The following NPL variants were observed in gnomAD, a reference collection of about 807,000 sequenced individuals.
NPL encodes N-acetylneuraminate lyase.
NPL carries 32 observed loss-of-function variants against 41.1 expected under a neutral mutation model. The ratio of observed to expected loss-of-function variants is 0.78; its 90% CI spans 0.59 to 1.05. The LOEUF (loss-of-function observed/expected upper bound fraction) is 1.05, where lower values mean the gene tolerates loss of function less well. NPL is among the 50% of genes least tolerant of loss of function. The probability of loss-of-function intolerance (pLI) is 0.00; values close to 1 mark genes in which losing one functional copy is unlikely to be tolerated. For synonymous variants in NPL, 128 were observed against 134.9 expected, an observed-to-expected ratio of 0.95 and a Z score of 0.35; for missense variants, 321 against 378.4, an observed-to-expected ratio of 0.85 and a Z score of 1.26.
intron 6 of NPL, among the ~76,000 whole-genome samples, chr1:182,812,434 C>T (rs992089350): frequency 6.6e-6 from 1 of 152,132 alleles, no homozygotes. Context: ...GAAGCACCTT[C>T]CTCCAAGGAG....
intron 9 of NPL, 33 bp downstream of exon 9, chr1:182,818,722 A>G (rs532201292): frequency 1.3e-4 from 206 of 1,614,058 alleles, no homozygotes; most frequent in Non-Finnish European, 1.6e-4. Flanking sequence ...GCAGCAGGTC[A>G]GTTCCCTCCA....
Position 182,802,425 on chromosome 1 carries a change from G to A in NPL, c.69-1273G>A, listed in dbSNP as rs116666840. ...TCCTCATTTTGTTCTTATGCCTTTT[G>A]ACATGTACATTTTGATGCCTTTGTT... On this transcript the variant is annotated intron_variant, in intron 3 of 12. Transcript: ENST00000367553. Among the ~76,000 whole-genome samples the A allele has an allele frequency of 5.9e-3, 901 of 151,902 alleles. 9 individuals are homozygous for A. The highest frequency in any genetic ancestry group is 0.02 in the African/African-American group (836 of 41,446).
intron 8 of NPL, among the ~76,000 whole-genome samples, chr1:182,817,900 G>A (rs537751563): frequency 6.6e-6 from 1 of 152,268 alleles, no homozygotes; most frequent in African/African-American, 2.4e-5. Flanking sequence ...TTTCTATGGA[G>A]ACTTCATTAT....
intron 11 of NPL, among the ~76,000 whole-genome samples, chr1:182,822,479 A>T (rs1179641478): frequency 6.6e-6 from 1 of 152,184 alleles, no homozygotes; most frequent in Non-Finnish European, 1.5e-5. Flanking sequence ...TACTTTTGTG[A>T]CTATAATAAA....
intron 5 of NPL, among the ~76,000 whole-genome samples, chr1:182,808,115 A>C (rs935663626): frequency 1.3e-5 from 2 of 152,022 alleles, no homozygotes; most frequent in Non-Finnish European, 2.9e-5. Flanking sequence ...CAGGCACATC[A>C]CCTAACTTCT....
At chr1:182,801,399 C>T (rs1054148208) in intron 3 of NPL, among the ~76,000 whole-genome samples, 16 of 152,204 alleles carry the variant, frequency 1.1e-4, no homozygotes, top group African/African-American at 3.1e-4. Flanking sequence ...GAGGGTAGGT[C>T]GAAGCACTAT....
intron 3 of NPL, among the ~76,000 whole-genome samples, 176 bp from the exon 4 acceptor site, chr1:182,803,522 C>T (rs908562208): frequency 6.7e-6 from 1 of 149,470 alleles, no homozygotes; most frequent in African/African-American, 2.6e-5. Flanking sequence ...GAAGAAATCA[C>T]CAGATTCAGG....
At chr1:182,816,992 C>A (rs73065392) in intron 8 of NPL, among the ~76,000 whole-genome samples, 186 bp downstream of exon 8, 2 of 152,098 alleles carry the variant, frequency 1.3e-5, no homozygotes, top group Non-Finnish European at 2.9e-5. Flanking sequence ...TTCACACTGC[C>A]GTATAATGGA....
Position 182,829,207 on chromosome 1 carries a change from T to G in NPL, c.*299T>G. On this transcript the variant is annotated 3_prime_UTR_variant, in exon 13 of 13. Coordinates refer to ENST00000367553, the MANE Select transcript of NPL (RefSeq NM_030769.3). ...TGTAATTGATTAATTCCATCTGTCT[T>G]TAGGAGCTCTCATTATCTCGGTCTC... The G allele has an allele frequency of 8.0e-7, 1 of 1,248,080 alleles. No individual in the cohort carries two copies. Among genetic ancestry groups the G allele is most frequent in the South Asian group, 2.0e-5 (1 of 49,672 alleles). The allele number at this position is 1,248,080 out of a possible 1,614,324, so 77.3% of individuals were successfully genotyped here. A position where few individuals can be genotyped will look rare whatever the true frequency, so the allele number is the denominator to read the frequency against.
At chr1:182,806,578 C>T (rs1030374636) in intron 5 of NPL, 3 of 1,528,724 alleles carry the variant, frequency 2.0e-6, no homozygotes, top group Non-Finnish European at 2.6e-6. Flanking sequence ...CTTGGCTCTT[C>T]CACTGAGCAA....
At chr1:182,804,941 A>G (rs573646253) in intron 4 of NPL, among the ~76,000 whole-genome samples, 3 of 152,328 alleles carry the variant, frequency 2.0e-5, no homozygotes, top group South Asian at 4.1e-4. Context: ...GAATATCCCT[A>G]TGACCAGAGT....
rs1159663286 is a variant in NPL at position 182,829,667 on chromosome 1, C to T, written c.*759C>T. 3 of 1,540,202 alleles carry T rather than the reference C, an allele frequency of 1.9e-6. No individual in the cohort carries two copies. In the South Asian group the frequency reaches 3.6e-5, roughly 18 times the overall value. Reference sequence around the variant, plus strand: ...TTCCTCTGGGCACCACAAACTTCCCCTTCCTCCACTGAGAAGACTGTCTCT... The same window carrying T: ...TTCCTCTGGGCACCACAAACTTCCCTTTCCTCCACTGAGAAGACTGTCTCT... On this transcript the variant is annotated 3_prime_UTR_variant, in exon 13 of 13. Transcript: ENST00000367553.
intron 5 of NPL, among the ~76,000 whole-genome samples, chr1:182,807,720 C>CAAAAAAA (rs753955697): frequency 1.8e-5 from 1 of 55,432 alleles, no homozygotes; most frequent in African/African-American, 6.0e-5. Context: ...ACTAAAAATA[C>CAAAAAAA]AAAAAAAAAA....
chr1:182,798,299 C>G (rs1043584328), intron 3 of NPL, among the ~76,000 whole-genome samples: 5 of 148,466 alleles, frequency 3.4e-5, no homozygotes, highest in African/African-American at 1.3e-4. Context: ...ACAATCTCGA[C>G]TCACTGCAAC....
At chr1:182,798,988 T>G (rs187524132) in intron 3 of NPL, among the ~76,000 whole-genome samples, 49 of 152,354 alleles carry the variant, frequency 3.2e-4, no homozygotes, top group Admixed American at 2.9e-3. Context: ...TTTTCTGATA[T>G]GCATGCCACA....
chr1:182,816,875 C>A, intron 8 of NPL, 69 bp downstream of exon 8: 2 of 1,240,984 alleles, frequency 1.6e-6, no homozygotes, highest in Non-Finnish European at 2.3e-6. Flanking sequence ...TGCTAAGAAA[C>A]TCCACTCCAT....
intron 3 of NPL, among the ~76,000 whole-genome samples, chr1:182,800,705 G>A (rs911678299): frequency 1.4e-4 from 21 of 145,192 alleles, no homozygotes; most frequent in African/African-American, 5.4e-4. Context: ...ATTTCCAGCT[G>A]TATGGAAATG....
chr1:182,803,230 G>A (rs908761252), intron 3 of NPL, among the ~76,000 whole-genome samples: 4 of 152,162 alleles, frequency 2.6e-5, no homozygotes, highest in Admixed American at 1.3e-4. Context: ...GTGGGAAAAC[G>A]CAAGAAGGGA....
At chr1:182,794,026 AT>A in intron 2 of NPL, among the ~76,000 whole-genome samples, 1 of 152,136 alleles carries the variant, frequency 6.6e-6, no homozygotes, top group Non-Finnish European at 1.5e-5. Flanking sequence ...AATTCACTGT[AT>A]GTTTTACTTA....
Sources: allele counts gnomAD v4.1 joint callset (sites outside exome capture counted in the v4.1 genomes callset), GRCh38; gene constraint gnomAD v4.1.1; transcripts MANE v1.5; gene names NCBI Gene and HGNC (gene_info 2026-07-23, HGNC 2026-07-21).